FBLN7: variants seen among roughly 807,000 people sequenced by gnomAD.
The protein encoded by FBLN7 is fibulin-7.
FBLN7 carries 31 observed loss-of-function variants against 44.0 expected under a neutral mutation model. That is an observed-to-expected ratio of 0.70 (90% CI 0.53 to 0.95). The LOEUF is 0.95. Among genes scored for constraint, FBLN7 ranks in the 40% least tolerant of loss-of-function variants. FBLN7 has a pLI of 0.00. For missense variants in FBLN7, 573 were observed against 618.5 expected, an observed-to-expected ratio of 0.93 and a Z score of 0.78; for synonymous variants, 262 against 253.4, an observed-to-expected ratio of 1.03 and a Z score of -0.32.
At chr2:112,223,325 T>C in the FBLN7 span, among the ~76,000 whole-genome samples, 1 of 152,158 alleles carries the variant, frequency 6.6e-6, no homozygotes, top group East Asian at 1.9e-4. Flanking sequence ...AACAATTGCA[T>C]GTCAATGTAT....
the FBLN7 span, chr2:112,233,390 C>CAAGG: frequency 6.9e-7 from 1 of 1,457,726 alleles, no homozygotes; most frequent in Non-Finnish European, 9.4e-7. Context: ...AAAGAAGGAG[C>CAAGG]AAGGAAAAGC....
chr2:112,171,557 C>G (rs1682460639), intron 3 of FBLN7, among the ~76,000 whole-genome samples: 1 of 151,816 alleles, frequency 6.6e-6, no homozygotes, highest in Non-Finnish European at 1.5e-5. Context: ...AGTAGACACT[C>G]AATAAATAGT....
chr2:112,208,113 G>T, the FBLN7 span, among the ~76,000 whole-genome samples: 1 of 152,154 alleles, frequency 6.6e-6, no homozygotes, highest in South Asian at 2.1e-4. Flanking sequence ...ACACATAGTG[G>T]ACTGGGCTGG....
intron 5 of FBLN7, 173 bp downstream of exon 5, chr2:112,182,049 C>T (rs1683029211): frequency 1.3e-6 from 1 of 798,500 alleles, no homozygotes; most frequent in Non-Finnish European, 1.8e-6. Context: ...GGCTAGAAGG[C>T]AGCTAATTCA....
intron 3 of FBLN7, among the ~76,000 whole-genome samples, chr2:112,165,542 G>T (rs1312676253): frequency 6.6e-6 from 1 of 152,144 alleles, no homozygotes; most frequent in East Asian, 1.9e-4. Flanking sequence ...TCTCTGCTCT[G>T]GACACCAGTG....
rs769383900 is a variant in FBLN7, at chr2:112,181,886, G to A, written c.670+10G>A. 2.3e-5 allele frequency: 36 copies of A among 1,534,306 alleles called. No individual in the cohort carries two copies. The highest frequency in any genetic ancestry group is 3.5e-5 in the South Asian group (3 of 84,508). On this transcript the variant is annotated intron_variant, in intron 5 of 7. Transcript: ENST00000331203. Reference sequence around the variant, plus strand: ...GACAGCGTCTGCCAGGGTAGGCGCGGGCTCCGCCAGGACACTGGGGACAGC... The same window carrying A: ...GACAGCGTCTGCCAGGGTAGGCGCGAGCTCCGCCAGGACACTGGGGACAGC...
chr2:112,196,430 G>T, the FBLN7 span, among the ~76,000 whole-genome samples: 1 of 139,556 alleles, frequency 7.2e-6, no homozygotes. Flanking sequence ...CACCCAGGCT[G>T]GAGTGCAGTG....
the FBLN7 span, among the ~76,000 whole-genome samples, chr2:112,210,163 G>A: frequency 6.6e-6 from 1 of 151,970 alleles, no homozygotes; most frequent in African/African-American, 2.4e-5. Context: ...CTTTACATGA[G>A]GTGGAGAATG....
chr2:112,138,877 C>A lies in FBLN7; in HGVS notation c.75+147C>A. On this transcript the variant is annotated intron_variant, in intron 1 of 7. Transcript: ENST00000331203. The stretch of plus-strand genomic sequence containing the variant: ...TCTCTCCCCTGTCCCTCCCGCCTCT[C>A]TCCAGGTCAGTGTCCCTCCCGCCTC... 2.3e-6 allele frequency: 3 copies of A among 1,327,790 alleles called. No individual in the cohort carries two copies. In the South Asian group the frequency reaches 4.4e-5, roughly 19 times the overall value. The allele number at this position is 1,327,790 out of a possible 1,614,324, so 82.3% of individuals were successfully genotyped here. A position where few individuals can be genotyped will look rare whatever the true frequency, so the allele number is the denominator to read the frequency against.
rs1235870269 is a variant in FBLN7 at position 112,138,468 on chromosome 2, C to T, written c.-188C>T. ...CGGGCGCACCTGGACCCTCGCAAGG[C>T]CCGGGCGGCGCCGATCCCCGCGGGA... On this transcript the variant is annotated 5_prime_UTR_variant, in exon 1 of 8. Coordinates refer to ENST00000331203, the MANE Select transcript of FBLN7 (RefSeq NM_153214.3). The T allele has an allele frequency of 9.6e-6, 5 of 519,142 alleles. No individual in the cohort carries two copies. In the Admixed American group the frequency reaches 2.1e-4, roughly 21 times the overall value. The allele number at this position is 519,142 out of a possible 1,614,324, so 32.2% of individuals were successfully genotyped here.
chr2:112,154,820 G>A (rs1015024842), intron 1 of FBLN7, among the ~76,000 whole-genome samples: 2 of 152,200 alleles, frequency 1.3e-5, no homozygotes, highest in Non-Finnish European at 2.9e-5. Flanking sequence ...TGTGGGCAAG[G>A]AGCCCCCTGC....
chr2:112,153,633 G>C (rs1383748937), intron 1 of FBLN7, among the ~76,000 whole-genome samples: 2 of 152,200 alleles, frequency 1.3e-5, no homozygotes, highest in Non-Finnish European at 2.9e-5. Context: ...TGGGATGAGA[G>C]GGGTCAGGCC....
At position 112,157,902 on chromosome 2, in the gene FBLN7, CT is replaced by C. The variant is rs70962991; in HGVS notation, c.76-1760del. ...CCCAGCCTGTCCTGGTTCTTTGGTT[CT>C]TTTTTTTTTTTTTGAGACGGAGTCT... On this transcript the variant is annotated intron_variant, in intron 1 of 7. Transcript: ENST00000331203. Among the ~76,000 whole-genome samples, 1,035 of 141,248 alleles carry C rather than the reference CT, an allele frequency of 7.3e-3. 5 individuals carry two copies. The highest frequency in any genetic ancestry group is 0.021 in the South Asian group (94 of 4,420). The allele number at this position is 141,248 out of a possible 152,430, so 92.7% of individuals were successfully genotyped here. A position where few individuals can be genotyped will look rare whatever the true frequency, so the allele number is the denominator to read the frequency against.
At chr2:112,162,039 G>T (rs1202275143) in intron 2 of FBLN7, among the ~76,000 whole-genome samples, 1 of 152,210 alleles carries the variant, frequency 6.6e-6, no homozygotes, top group Non-Finnish European at 1.5e-5. Context: ...TTTTAAAAGA[G>T]AGACAAGGTC....
intron 3 of FBLN7, among the ~76,000 whole-genome samples, chr2:112,166,009 A>G (rs1671146675): frequency 6.6e-6 from 1 of 151,054 alleles, no homozygotes; most frequent in African/African-American, 2.5e-5. Flanking sequence ...CATTATATAA[A>G]CAAGAAGATT....
At chr2:112,212,254 A>C in the FBLN7 span, 6 of 152,244 alleles carry the variant, frequency 3.9e-5, no homozygotes, top group African/African-American at 1.4e-4. Flanking sequence ...CCACCCTCAA[A>C]ACCCAATCAT....
intron 4 of FBLN7, among the ~76,000 whole-genome samples, chr2:112,178,862 G>A (rs1457781671): frequency 6.6e-6 from 1 of 152,050 alleles, no homozygotes; most frequent in Admixed American, 6.6e-5. Flanking sequence ...AAAATAATAA[G>A]AGCCATCTAT....
intron 1 of FBLN7, among the ~76,000 whole-genome samples, chr2:112,148,633 C>T (rs1323062119): frequency 2.6e-5 from 4 of 152,198 alleles, no homozygotes; most frequent in Admixed American, 6.5e-5. Flanking sequence ...TGGCCTTGCT[C>T]GTTTGTCTGT....
intron 4 of FBLN7, chr2:112,176,142 G>A: frequency 4.3e-6 from 1 of 234,090 alleles, no homozygotes; most frequent in Non-Finnish European, 8.2e-6. Flanking sequence ...TTTCACTGTT[G>A]CCACCTTTGC....
Sources: gnomAD v4.1 joint callset for allele counts (sites outside exome capture counted in the v4.1 genomes callset) on GRCh38, gnomAD v4.1.1 for gene constraint, MANE v1.5 for transcripts, NCBI Gene and HGNC (gene_info 2026-07-23, HGNC 2026-07-21) for gene names.